Variants in OSBP2 observed in about 807,000 individuals in gnomAD.
OSBP2 encodes oxysterol binding protein 2, also known as oxysterol-binding protein 2.
OSBP2 carries 66 observed loss-of-function variants against 96.0 expected under a neutral mutation model. The ratio of observed to expected loss-of-function variants is 0.69; its 90% CI spans 0.56 to 0.84. The LOEUF is 0.84. Among genes scored for constraint, OSBP2 ranks in the 40% least tolerant of loss-of-function variants. OSBP2 has a pLI of 0.00. For missense variants in OSBP2, 1,038 were observed against 1,222.7 expected (o/e 0.85, Z 2.25); for synonymous variants, 525 against 520.9 (o/e 1.01, Z -0.11).
intron 2 of OSBP2, among the ~76,000 whole-genome samples, chr22:30,841,089 C>A (rs553674576): frequency 2.0e-5 from 3 of 151,892 alleles, no homozygotes; most frequent in African/African-American, 7.3e-5. Context: ...CACTTGAACC[C>A]GGGAGGCGGA....
chr22:30,796,501 ATTAT>A (rs562961797), intron 2 of OSBP2, among the ~76,000 whole-genome samples: 84 of 151,574 alleles, frequency 5.5e-4, no homozygotes, highest in African/African-American at 1.8e-3. Flanking sequence ...ATTTTTTTTA[ATTAT>A]TTATTTATTT....
At chr22:30,812,913 A>G (rs1274745439) in intron 2 of OSBP2, among the ~76,000 whole-genome samples, 4 of 151,620 alleles carry the variant, frequency 2.6e-5, no homozygotes, top group South Asian at 2.1e-4. Flanking sequence ...TGTGACTTGT[A>G]TATTTATATT....
chr22:30,717,677 C>G (rs5749156), intron 1 of OSBP2, among the ~76,000 whole-genome samples: 17,945 of 152,156 alleles, frequency 0.12, 1,840 homozygotes, highest in East Asian at 0.39. Context: ...ACAAAGATTG[C>G]TGGTTGAGAC....
chr22:30,765,946 A>G (rs2090264419), intron 2 of OSBP2, among the ~76,000 whole-genome samples: 1 of 152,178 alleles, frequency 6.6e-6, no homozygotes, highest in Non-Finnish European at 1.5e-5. Context: ...ATTAAAACTG[A>G]TAGTGGAGCC....
intron 2 of OSBP2, among the ~76,000 whole-genome samples, chr22:30,807,947 A>G (rs1160687908): frequency 6.6e-6 from 1 of 151,952 alleles, no homozygotes; most frequent in East Asian, 1.9e-4. Context: ...CACCATGCCA[A>G]GCTAATTTAT....
At chr22:30,742,276 C>T (rs1187959344) in intron 2 of OSBP2, among the ~76,000 whole-genome samples, 1 of 151,288 alleles carries the variant, frequency 6.6e-6, no homozygotes, top group Non-Finnish European at 1.5e-5. Context: ...ACTAAAGATA[C>T]AAAAAATTAG....
At position 30,900,237 on chromosome 22, in the gene OSBP2, A is replaced by G. The variant is rs561505916; in HGVS notation, c.2376-5600A>G. 9.1e-3 allele frequency among the ~76,000 whole-genome samples: 1,376 copies of G among 151,960 alleles called. 15 individuals are homozygous for G. The highest frequency in any genetic ancestry group is 0.012 in the Non-Finnish European group (829 of 67,928). The stretch of plus-strand genomic sequence containing the variant: ...CCATTGCACTCCAGCCTGGGCAACA[A>G]GAGCGAAACTCCATCTCAAAAAAAA... On this transcript the variant is annotated intron_variant, in intron 12 of 13. Transcript: ENST00000332585.
intron 2 of OSBP2, among the ~76,000 whole-genome samples, chr22:30,829,580 A>G (rs2038480650): frequency 6.6e-6 from 1 of 152,122 alleles, no homozygotes; most frequent in Admixed American, 6.5e-5. Context: ...AAATCCTCCC[A>G]AAGTGCTGGG....
At chr22:30,835,269 T>A (rs2038608273) in intron 2 of OSBP2, among the ~76,000 whole-genome samples, 1 of 152,234 alleles carries the variant, frequency 6.6e-6, no homozygotes, top group African/African-American at 2.4e-5. Flanking sequence ...CTAGGAATTT[T>A]ATAGTTTTAG....
chr22:30,889,123 C>A (rs1254833249), intron 5 of OSBP2, 54 bp from the exon 6 acceptor site: 1 of 1,539,970 alleles, frequency 6.5e-7, no homozygotes, highest in Non-Finnish European at 8.9e-7. Flanking sequence ...TGGGCCAGGT[C>A]CCAAGGAGAC....
intron 2 of OSBP2, among the ~76,000 whole-genome samples, chr22:30,755,732 C>T (rs1290290924): frequency 6.6e-6 from 1 of 152,194 alleles, no homozygotes; most frequent in Non-Finnish European, 1.5e-5. Flanking sequence ...GAACTTTCAC[C>T]TACGCAGCCC....
intron 12 of OSBP2, among the ~76,000 whole-genome samples, chr22:30,894,703 T>C (rs539512899): frequency 6.6e-6 from 1 of 152,318 alleles, no homozygotes; most frequent in Admixed American, 6.5e-5. Context: ...TGCACCTAAA[T>C]CTATGCAGTG....
rs770086793 is a variant in OSBP2 at position 30,888,204 on chromosome 22, G to A, written c.1301-19G>A. On this transcript the variant is annotated intron_variant, in intron 4 of 13. Transcript: ENST00000332585. ...GCCTTTTGTGAGGTTACAAATTAAA[G>A]CTCTGTCTGTGTCTCTAGGAAGCCT... is the stretch of plus-strand genomic sequence containing the variant. The A allele has an allele frequency of 9.3e-6, 14 of 1,497,926 alleles. No homozygotes were observed. The highest frequency in any genetic ancestry group is 1.3e-5 in the Non-Finnish European group (14 of 1,074,346). 92.8% of individuals were successfully genotyped at this position (1,497,926 alleles called of 1,614,324 possible).
Position 30,890,988 on chromosome 22 carries a change from C to T in OSBP2, c.1869+15C>T. ...TCTGTGAGCAGGTGAGGGGGCTAGGCTGGCACTGGGTGGCGCCCACCCACA... is the reference window on the plus strand; with the variant it reads ...TCTGTGAGCAGGTGAGGGGGCTAGGTTGGCACTGGGTGGCGCCCACCCACA... On this transcript the variant is annotated intron_variant, in intron 8 of 13. Transcript: ENST00000332585. This position sits in a 1 kb window ranked among gnomAD's most constrained non-coding sequence, Gnocchi z 4.4. 6.3e-7 allele frequency: 1 copy of T among 1,599,464 alleles called. No individual in the cohort carries two copies. The highest frequency in any genetic ancestry group is 8.5e-7 in the Non-Finnish European group (1 of 1,177,268).
rs1438437569 is a variant in OSBP2 at position 30,897,791 on chromosome 22, A to G, written c.2375+3790A>G. 2.0e-5 allele frequency among the ~76,000 whole-genome samples: 3 copies of G among 152,172 alleles called. No individual in the cohort carries two copies. The East Asian group carries it at 5.8e-4, about 30-fold the overall frequency. On this transcript the variant is annotated intron_variant, in intron 12 of 13. Coordinates refer to ENST00000332585, the MANE Select transcript of OSBP2 (RefSeq NM_030758.4). ...ATGGTGAAACCCTGTTTCTACTAAA[A>G]ATACAAAAATTAGCCGAGCGTGGTG...
chr22:30,762,045 AC>A (rs750370260), intron 2 of OSBP2, among the ~76,000 whole-genome samples: 3 of 149,834 alleles, frequency 2.0e-5, no homozygotes, highest in Non-Finnish European at 4.4e-5. Context: ...ATATGGCGAA[AC>A]TCCATCTCTA....
chr22:30,844,926 T>C (rs959607927), intron 2 of OSBP2, among the ~76,000 whole-genome samples: 2 of 152,190 alleles, frequency 1.3e-5, no homozygotes, highest in South Asian at 2.1e-4. Context: ...TGGTTATTAA[T>C]TGGCCTAATT....
rs2038655998 is a variant in OSBP2 at position 30,837,297 on chromosome 22, AACCCTAATGGACCTT to A, written c.854-33131_854-33117del. Among the ~76,000 whole-genome samples the A allele has an allele frequency of 2.0e-5, 3 of 151,806 alleles. No homozygotes were observed. In the South Asian group the frequency reaches 6.3e-4, roughly 32 times the overall value. On this transcript the variant is annotated intron_variant, in intron 2 of 13. Transcript: ENST00000332585. ...AAAAAAAGAAAGAAAGTTTGCCCAT[AACCCTAATGGACCTT>A]GGCTTCCTTTTCTGTTCCACTGGGG...
chr22:30,765,391 G>A (rs546960686), intron 2 of OSBP2, among the ~76,000 whole-genome samples: 1 of 151,952 alleles, frequency 6.6e-6, no homozygotes, highest in Non-Finnish European at 1.5e-5. Flanking sequence ...TGTGTTTTTA[G>A]TAGAGATGGG....
Sources: gnomAD v4.1 joint callset for allele counts (sites outside exome capture counted in the v4.1 genomes callset) on GRCh38, gnomAD v4.1.1 for gene constraint, Gnocchi (gnomAD v3.1) non-coding constraint, MANE v1.5 for transcripts, NCBI Gene and HGNC (gene_info 2026-07-23, HGNC 2026-07-21) for gene names.